The following STPG2 variants were observed in gnomAD, a reference collection of about 807,000 sequenced individuals.
STPG2 encodes the protein sperm-tail PG-rich repeat-containing protein 2.
STPG2 carries 56 observed loss-of-function variants against 54.2 expected under a neutral mutation model. The ratio of observed to expected loss-of-function variants is 1.03; its 90% CI spans 0.83 to 1.29. The LOEUF (loss-of-function observed/expected upper bound fraction) is 1.29, where lower values mean the gene tolerates loss of function less well. Ranked by LOEUF, STPG2 falls within the 50% of genes most tolerant of loss-of-function variation. The pLI, the probability that STPG2 is intolerant of heterozygous loss-of-function variation, is 0.00. For missense variants in STPG2, 596 were observed against 544.9 expected, an observed-to-expected ratio of 1.09 and a Z score of -0.93; for synonymous variants, 200 against 181.8, an observed-to-expected ratio of 1.10 and a Z score of -0.81.
In STPG2 at chr4:97,796,080, T is replaced by A. The variant is rs189582983; in HGVS notation, c.1204+44693A>T. On this transcript the variant is annotated intron_variant, in intron 9 of 10. Transcript: ENST00000295268. ...TTTTCTTGTAAATTTGTTTGAGTTC[T>A]TTGTAGATTCTGGATATTAGCCCTT... Among the ~76,000 whole-genome samples, 598 of 152,248 alleles carry A rather than the reference T, an allele frequency of 3.9e-3. 1 individual carries two copies. Among genetic ancestry groups the A allele is most frequent in the Middle Eastern group, 0.014 (4 of 294 alleles).
chr4:97,722,836 C>A lies in STPG2; in HGVS notation c.1205-10022G>T, dbSNP rs1318229277. On this transcript the variant is annotated intron_variant, in intron 9 of 10. Transcript: ENST00000295268. ...TTTTTGAGACGGAGCCTTGCTCTGT[C>A]GCCCCGGCTGGAGTGCAGTGGTGCG... 9.2e-5 allele frequency among the ~76,000 whole-genome samples: 13 copies of A among 141,078 alleles called. No homozygotes were observed. In the South Asian group the frequency reaches 1.8e-3, roughly 19 times the overall value. 92.6% of individuals were successfully genotyped at this position (141,078 alleles called of 152,430 possible).
At chr4:98,117,062 T>C (rs1438625326) in intron 3 of STPG2, among the ~76,000 whole-genome samples, 1 of 152,014 alleles carries the variant, frequency 6.6e-6, no homozygotes, top group Non-Finnish European at 1.5e-5. Context: ...TGAATTTGAG[T>C]TATTGTCTGA....
intron 5 of STPG2, among the ~76,000 whole-genome samples, chr4:98,051,733 A>C (rs1737326256): frequency 6.6e-6 from 1 of 151,964 alleles, no homozygotes; most frequent in Non-Finnish European, 1.5e-5. Context: ...GAGGTTCTGC[A>C]TATTGTCAAG....
intron 4 of STPG2, among the ~76,000 whole-genome samples, chr4:97,485,446 A>AC (rs909887857): frequency 1.3e-5 from 2 of 151,766 alleles, no homozygotes; most frequent in African/African-American, 2.4e-5. Flanking sequence ...GAAGAACTCA[A>AC]CCCCTTTTAC....
intron 10 of STPG2, among the ~76,000 whole-genome samples, chr4:97,626,865 G>C (rs1468235664): frequency 6.6e-6 from 1 of 151,982 alleles, no homozygotes; most frequent in Non-Finnish European, 1.5e-5. Context: ...ATATAGAAAT[G>C]CAATTGCTTT....
At chr4:98,140,681 T>C (rs1480678268) in intron 1 of STPG2, among the ~76,000 whole-genome samples, 1 of 151,358 alleles carries the variant, frequency 6.6e-6, no homozygotes, top group East Asian at 1.9e-4. Flanking sequence ...GGAAAAAAAT[T>C]TTAAAAGGGA....
At chr4:97,940,216 A>C (rs1388704202) in intron 8 of STPG2, among the ~76,000 whole-genome samples, 2 of 152,124 alleles carry the variant, frequency 1.3e-5, no homozygotes, top group African/African-American at 2.4e-5. Context: ...CTTTCTCTCT[A>C]GGTGACTTTA....
At chr4:97,494,927 C>T (rs1730575142) in intron 4 of STPG2, among the ~76,000 whole-genome samples, 1 of 150,974 alleles carries the variant, frequency 6.6e-6, no homozygotes, top group Admixed American at 6.6e-5. Context: ...TTCCTAAATC[C>T]TAAATTAAAC....
At chr4:97,563,084 G>C (rs1215389784) in intron 10 of STPG2, among the ~76,000 whole-genome samples, 8 of 152,062 alleles carry the variant, frequency 5.3e-5, no homozygotes, top group Non-Finnish European at 7.4e-5. Flanking sequence ...GACTCTTTTT[G>C]TTTGGTAAAC....
chr4:97,482,064 T>A (rs58740461), intron 4 of STPG2, among the ~76,000 whole-genome samples: 1 of 151,394 alleles, frequency 6.6e-6, no homozygotes, highest in African/African-American at 2.4e-5. Flanking sequence ...TTAAATTTGT[T>A]GGTCTTTTTG....
intron 10 of STPG2, among the ~76,000 whole-genome samples, chr4:97,625,343 C>G (rs1734111960): frequency 6.6e-6 from 1 of 152,216 alleles, no homozygotes; most frequent in South Asian, 2.1e-4. Flanking sequence ...TCCAATCTCT[C>G]TCTGTTGCCC....
At chr4:97,800,779 G>T (rs1026831747) in intron 9 of STPG2, among the ~76,000 whole-genome samples, 1 of 152,178 alleles carries the variant, frequency 6.6e-6, no homozygotes, top group East Asian at 1.9e-4. Context: ...TACCCCCAGA[G>T]TTGGAGTCTA....
At chr4:97,573,172 A>G (rs953185942) in intron 10 of STPG2, among the ~76,000 whole-genome samples, 12 of 151,974 alleles carry the variant, frequency 7.9e-5, no homozygotes, top group African/African-American at 2.9e-4. Flanking sequence ...TGAATTTATT[A>G]TTTTTCTGTA....
chr4:97,733,728 T>G (rs1724881981), intron 9 of STPG2, among the ~76,000 whole-genome samples: 1 of 152,186 alleles, frequency 6.6e-6, no homozygotes, highest in African/African-American at 2.4e-5. Context: ...CAGGTGCTGG[T>G]CCGGTTGCTC....
intron 5 of STPG2, among the ~76,000 whole-genome samples, chr4:98,012,232 T>C (rs1735781266): frequency 6.6e-6 from 1 of 152,196 alleles, no homozygotes; most frequent in African/African-American, 2.4e-5. Flanking sequence ...CTTGTTTTTG[T>C]CAGGTTTGTC....
At chr4:97,974,951 C>T (rs904486447) in intron 6 of STPG2, among the ~76,000 whole-genome samples, 1 of 152,104 alleles carries the variant, frequency 6.6e-6, no homozygotes, top group African/African-American at 2.4e-5. Flanking sequence ...TACACCCAAA[C>T]CATGGCATAC....
intron 4 of STPG2, among the ~76,000 whole-genome samples, chr4:98,106,408 T>C (rs751596884): frequency 5.3e-5 from 8 of 152,086 alleles, no homozygotes; most frequent in Non-Finnish European, 1.0e-4. Context: ...CCAAATCAAC[T>C]ATTATCAAAA....
At chr4:97,680,036 A>T (rs1325985554) in intron 10 of STPG2, among the ~76,000 whole-genome samples, 3 of 152,148 alleles carry the variant, frequency 2.0e-5, no homozygotes, top group South Asian at 2.1e-4. Context: ...GTAGCCTTGT[A>T]GTATAGTTTG....
intron 9 of STPG2, among the ~76,000 whole-genome samples, chr4:97,734,342 T>G (rs1724901654): frequency 6.6e-6 from 1 of 152,164 alleles, no homozygotes; most frequent in Non-Finnish European, 1.5e-5. Context: ...TATGAGTGCT[T>G]GTTACACACA....
Sources: gnomAD v4.1 joint callset for allele counts (sites outside exome capture counted in the v4.1 genomes callset) on GRCh38, gnomAD v4.1.1 for gene constraint, MANE v1.5 for transcripts, NCBI Gene and HGNC (gene_info 2026-07-23, HGNC 2026-07-21) for gene names.